Variants in ADAM12 observed in about 807,000 individuals in gnomAD.
The protein encoded by ADAM12 is disintegrin and metalloproteinase domain-containing protein 12.
In ADAM12, 70 loss-of-function variants were observed where a neutral mutation model predicts 106.4. The observed-to-expected ratio is 0.66, with a 90% CI of 0.54 to 0.80. The LOEUF (loss-of-function observed/expected upper bound fraction) is 0.80. Among genes scored for constraint, ADAM12 ranks in the 30% least tolerant of loss-of-function variants. The pLI, the probability that ADAM12 is intolerant of heterozygous loss-of-function variation, is 0.00. For missense variants in ADAM12, 1,010 were observed against 1,171.9 expected (o/e 0.86, Z 2.02); for synonymous variants, 420 against 433.5 (o/e 0.97, Z 0.39).
intron 21 of ADAM12, among the ~76,000 whole-genome samples, chr10:126,030,905 A>T (rs1475190331): frequency 6.6e-6 from 1 of 152,174 alleles, no homozygotes; most frequent in African/African-American, 2.4e-5. Flanking sequence ...ACACTGTGAC[A>T]ACTGATTTTT....
chr10:126,370,779 T>C (rs1030943200), intron 1 of ADAM12, among the ~76,000 whole-genome samples: 3 of 152,188 alleles, frequency 2.0e-5, no homozygotes, highest in South Asian at 2.1e-4. Context: ...TGGTTTAGCA[T>C]GTGGGCCCTG....
intron 21 of ADAM12, among the ~76,000 whole-genome samples, chr10:126,034,082 T>C (rs952944433): frequency 2.6e-5 from 4 of 152,204 alleles, no homozygotes; most frequent in Admixed American, 1.3e-4. Context: ...AAGACATCTG[T>C]ATTATAAAAG....
At chr10:126,108,097 T>A (rs1955807396) in intron 8 of ADAM12, among the ~76,000 whole-genome samples, 1 of 152,216 alleles carries the variant, frequency 6.6e-6, no homozygotes, top group Non-Finnish European at 1.5e-5. Context: ...CAATAGCTGA[T>A]TTAGCTGAAA....
chr10:126,199,253 CAGG>C (rs975176293), intron 3 of ADAM12, among the ~76,000 whole-genome samples: 3 of 152,216 alleles, frequency 2.0e-5, no homozygotes, highest in Non-Finnish European at 4.4e-5. Flanking sequence ...TGGACAATGA[CAGG>C]AGGATGAGGC....
intron 1 of ADAM12, among the ~76,000 whole-genome samples, chr10:126,346,196 T>C (rs563963234): frequency 0.01 from 1,539 of 152,312 alleles, 23 homozygotes; most frequent in African/African-American, 0.035. Flanking sequence ...GCTTTGAATG[T>C]GTCCCAGAGA....
chr10:126,304,062 C>T (rs1960737425), intron 2 of ADAM12, among the ~76,000 whole-genome samples: 1 of 152,098 alleles, frequency 6.6e-6, no homozygotes, highest in South Asian at 2.1e-4. Flanking sequence ...AATGGTGTTA[C>T]TTATGCATCA....
intron 3 of ADAM12, among the ~76,000 whole-genome samples, chr10:126,241,644 C>T (rs72826387): frequency 0.02 from 3,057 of 152,268 alleles, 46 homozygotes; most frequent in Middle Eastern, 0.041. Flanking sequence ...TGAGCCTGAA[C>T]GCTGATTTGC....
intron 2 of ADAM12, among the ~76,000 whole-genome samples, chr10:126,305,366 G>T (rs376051950): frequency 6.6e-6 from 1 of 152,118 alleles, no homozygotes; most frequent in African/African-American, 2.4e-5. Flanking sequence ...AGACACAAAA[G>T]AGTACAATCA....
In ADAM12 at chr10:126,131,104, C is replaced by CTTTTTTT. The variant is rs71029289; in HGVS notation, c.416+4473_416+4479dup. Among the ~76,000 whole-genome samples the CTTTTTTT allele has an allele frequency of 2.0e-3, 205 of 100,876 alleles. 13 individuals are homozygous for CTTTTTTT. Among genetic ancestry groups the CTTTTTTT allele is most frequent in the African/African-American group, 7.1e-3 (188 of 26,394 alleles). 66.2% of individuals were successfully genotyped at this position (100,876 alleles called of 152,430 possible). ...AGTGTCCCTGGCTCTCAGCTGTCTT[C>CTTTTTTT]TTTTTTTTTTTTTTTTTTTTTTTTT... is the stretch of plus-strand genomic sequence containing the variant. On this transcript the variant is annotated intron_variant, in intron 5 of 22. Transcript: ENST00000448723.
At chr10:126,313,238 C>T (rs564701209) in intron 2 of ADAM12, among the ~76,000 whole-genome samples, 1 of 152,308 alleles carries the variant, frequency 6.6e-6, no homozygotes, top group South Asian at 2.1e-4. Context: ...ATCTTCATGG[C>T]TCAGCAGCTG....
intron 4 of ADAM12, among the ~76,000 whole-genome samples, chr10:126,143,102 T>C (rs1279201914): frequency 6.6e-6 from 1 of 151,536 alleles, no homozygotes; most frequent in African/African-American, 2.4e-5. Flanking sequence ...CGTGTGTATA[T>C]GGTGTGCATG....
chr10:126,342,331 CCAA>C (rs1049046909), intron 1 of ADAM12, among the ~76,000 whole-genome samples: 15 of 152,070 alleles, frequency 9.9e-5, no homozygotes, highest in Admixed American at 2.6e-4. Context: ...TTTGGAGGAC[CCAA>C]ATGGGCAATC....
intron 3 of ADAM12, among the ~76,000 whole-genome samples, chr10:126,218,674 A>G (rs1194045390): frequency 6.6e-6 from 1 of 152,206 alleles, no homozygotes; most frequent in African/African-American, 2.4e-5. Context: ...CACCCATCCC[A>G]CAACACTGGC....
At position 126,312,665 on chromosome 10, in the gene ADAM12, C is replaced by G. The variant is rs530196503; in HGVS notation, c.186+17747G>C. 1.2e-3 allele frequency among the ~76,000 whole-genome samples: 184 copies of G among 152,196 alleles called. 2 individuals carry two copies. The highest frequency in any genetic ancestry group is 4.2e-3 in the African/African-American group (175 of 41,538). On this transcript the variant is annotated intron_variant, in intron 2 of 22. Transcript: ENST00000448723. ...GTTGTAATTAAACCTAAACACTAAG[C>G]CAAACATGATATCAAGATTGTGGCT...
intron 4 of ADAM12, among the ~76,000 whole-genome samples, chr10:126,147,404 C>G (rs7085021): frequency 6.6e-6 from 1 of 151,998 alleles, no homozygotes; most frequent in Admixed American, 6.6e-5. Context: ...CTGGAGCCAG[C>G]GGGTGCTTTT....
intron 21 of ADAM12, among the ~76,000 whole-genome samples, chr10:126,030,317 A>G (rs561600520): frequency 6.6e-6 from 1 of 152,274 alleles, no homozygotes; most frequent in Admixed American, 6.5e-5. Flanking sequence ...GAAAATTTCC[A>G]TAATCTCTCC....
chr10:126,121,102 T>TTATATATAG (rs1565073867), intron 5 of ADAM12, among the ~76,000 whole-genome samples: 10 of 40,340 alleles, frequency 2.5e-4, no homozygotes, highest in African/African-American at 9.9e-4. Flanking sequence ...ATATACTATA[T>TTATATATAG]TATATATAGT....
intron 3 of ADAM12, among the ~76,000 whole-genome samples, chr10:126,226,240 T>A (rs1258346995): frequency 6.6e-6 from 1 of 152,106 alleles, no homozygotes; most frequent in Non-Finnish European, 1.5e-5. Flanking sequence ...TTTCAGCCAC[T>A]GGATGTCAGC....
At chr10:126,374,569 T>C (rs1398630934) in intron 1 of ADAM12, among the ~76,000 whole-genome samples, 1 of 151,986 alleles carries the variant, frequency 6.6e-6, no homozygotes, top group Non-Finnish European at 1.5e-5. Flanking sequence ...TATTGAAAAA[T>C]GTGAAGTCAA....
Sources: gnomAD v4.1 joint callset for allele counts (sites outside exome capture counted in the v4.1 genomes callset) on GRCh38, gnomAD v4.1.1 for gene constraint, MANE v1.5 for transcripts, NCBI Gene and HGNC (gene_info 2026-07-23, HGNC 2026-07-21) for gene names.